Variants in RHOBTB3 observed in about 807,000 individuals in gnomAD.
RHOBTB3 encodes rho-related BTB domain-containing protein 3.
Under a neutral mutation model 67.2 loss-of-function variants are expected in RHOBTB3, and 47 were observed. That is an observed-to-expected ratio of 0.70 (90% CI 0.55 to 0.89). RHOBTB3 has a LOEUF of 0.89. Ranked by LOEUF, RHOBTB3 falls within the 40% of genes least tolerant of loss-of-function variation. RHOBTB3 has a pLI of 0.00. For missense variants in RHOBTB3, 631 were observed against 750.0 expected, an observed-to-expected ratio of 0.84 and a Z score of 1.85; for synonymous variants, 273 against 274.2, an observed-to-expected ratio of 1.00 and a Z score of 0.04.
chr5:95,768,386 C>T (rs1158227999), intron 8 of RHOBTB3, among the ~76,000 whole-genome samples: 1 of 151,678 alleles, frequency 6.6e-6, no homozygotes, highest in African/African-American at 2.4e-5. Context: ...GTATTTTTTC[C>T]TTTGCCATAT....
chr5:95,724,177 T>C, intron 1 of RHOBTB3, among the ~76,000 whole-genome samples: 1 of 152,238 alleles, frequency 6.6e-6, no homozygotes, highest in South Asian at 2.1e-4. Flanking sequence ...TCTGGTTTTA[T>C]GATTAGTTTA....
At position 95,771,914 on chromosome 5, in the gene RHOBTB3, G is replaced by T. The variant is rs753780915; in HGVS notation, c.1282+3748G>T. 4.6e-5 allele frequency among the ~76,000 whole-genome samples: 7 copies of T among 151,890 alleles called. No individual in the cohort carries two copies. The East Asian group carries it at 1.3e-3, about 29-fold the overall frequency. On this transcript the variant is annotated intron_variant, in intron 8 of 11. Transcript: ENST00000379982. ...TACATCCATTGTTAAGAAGAAATAT[G>T]ATTGGTAAATTAAAAAATATTTCCA... is the stretch of plus-strand genomic sequence containing the variant.
chr5:95,725,808 CT>C (rs201325391), intron 1 of RHOBTB3, among the ~76,000 whole-genome samples: 405 of 139,532 alleles, frequency 2.9e-3, no homozygotes, highest in Non-Finnish European at 2.5e-3. Flanking sequence ...TGGAATTCTT[CT>C]TTTTTTTTTT....
At position 95,779,614 on chromosome 5, in the gene RHOBTB3, C is replaced by T. The variant is rs182860313; in HGVS notation, c.1283-638C>T. 3.3e-3 allele frequency among the ~76,000 whole-genome samples: 500 copies of T among 152,310 alleles called. 2 individuals carry two copies. The highest frequency in any genetic ancestry group is 5.6e-3 in the South Asian group (27 of 4,828). ...AAATTCAACGTAGCACTGGCTCTCC[C>T]AGCAGCAGGCATTGTTCAGGTGAGA... On this transcript the variant is annotated intron_variant, in intron 8 of 11. Coordinates refer to ENST00000379982, the MANE Select transcript of RHOBTB3 (RefSeq NM_014899.4).
intron 10 of RHOBTB3, among the ~76,000 whole-genome samples, chr5:95,785,435 C>CAA (rs113404929): frequency 2.0e-5 from 3 of 150,798 alleles, no homozygotes; most frequent in Non-Finnish European, 3.0e-5. Flanking sequence ...ACTAAAAATA[C>CAA]AAAAAAAAAT....
chr5:95,772,818 T>C (rs1561452494), intron 8 of RHOBTB3, among the ~76,000 whole-genome samples: 1 of 152,220 alleles, frequency 6.6e-6, no homozygotes. Flanking sequence ...TAAATGTGCT[T>C]GAAGAAGACT....
intron 10 of RHOBTB3, among the ~76,000 whole-genome samples, chr5:95,787,824 C>T (rs1185573379): frequency 6.6e-6 from 1 of 152,142 alleles, no homozygotes; most frequent in Non-Finnish European, 1.5e-5. Context: ...GAAAGTAAAA[C>T]AGTGGGTGCT....
intron 4 of RHOBTB3, among the ~76,000 whole-genome samples, chr5:95,749,461 A>G (rs1219657448): frequency 1.3e-5 from 2 of 152,250 alleles, no homozygotes; most frequent in South Asian, 2.1e-4. Context: ...TATTCACCCA[A>G]TAATATAAAG....
chr5:95,755,868 A>T, intron 6 of RHOBTB3, 107 bp downstream of exon 6: 2 of 1,010,180 alleles, frequency 2.0e-6, no homozygotes, highest in Non-Finnish European at 1.5e-6. Flanking sequence ...GTCTTTACCT[A>T]CCATCTGAGA....
intron 6 of RHOBTB3, among the ~76,000 whole-genome samples, chr5:95,756,421 G>A (rs1489955939): frequency 6.6e-6 from 1 of 152,132 alleles, no homozygotes; most frequent in East Asian, 1.9e-4. Context: ...TGGACGCTTG[G>A]GTTGCTTCCA....
intron 8 of RHOBTB3, among the ~76,000 whole-genome samples, chr5:95,777,463 AAC>A: frequency 6.6e-6 from 1 of 152,210 alleles, no homozygotes; most frequent in South Asian, 2.1e-4. Flanking sequence ...TTAAAATTGT[AAC>A]ATCAAATGAA....
At chr5:95,783,562 A>C in intron 9 of RHOBTB3, 1 of 27,286 alleles carries the variant, frequency 3.7e-5, no homozygotes, top group Non-Finnish European at 7.4e-5. Flanking sequence ...CTGTCTCTAC[A>C]AAAAAAAAAA....
chr5:95,759,478 G>A (rs779904258), intron 6 of RHOBTB3, among the ~76,000 whole-genome samples: 7 of 152,140 alleles, frequency 4.6e-5, no homozygotes, highest in Non-Finnish European at 8.8e-5. Context: ...GAAAAATGCT[G>A]AAAATTAAGA....
At chr5:95,765,384 G>A (rs761630376) in intron 7 of RHOBTB3, among the ~76,000 whole-genome samples, 29 of 152,252 alleles carry the variant, frequency 1.9e-4, no homozygotes, top group East Asian at 1.9e-4. Flanking sequence ...TGGGTGATAC[G>A]ATTCCATGGT....
rs1046466552 is a variant in RHOBTB3, at chr5:95,762,996, C to T, written c.1049-512C>T. ...GCTACGTGGACGAGTAGCTCCCTTC[C>T]TCAGGCTGGTTTTGTAGAGTTGGCT... is the stretch of plus-strand genomic sequence containing the variant. On this transcript the variant is annotated intron_variant, in intron 6 of 11. Transcript: ENST00000379982. Among the ~76,000 whole-genome samples the T allele has an allele frequency of 2.0e-5, 3 of 152,142 alleles. No individual in the cohort carries two copies. In the South Asian group the frequency reaches 6.2e-4, roughly 31 times the overall value.
intron 4 of RHOBTB3, among the ~76,000 whole-genome samples, chr5:95,750,542 T>A (rs888388150): frequency 6.6e-6 from 1 of 152,230 alleles, no homozygotes; most frequent in Non-Finnish European, 1.5e-5. Context: ...ATATAATGCA[T>A]ATATTACAGA....
At chr5:95,746,419 A>T (rs146654504) in intron 3 of RHOBTB3, among the ~76,000 whole-genome samples, 87 of 152,258 alleles carry the variant, frequency 5.7e-4, no homozygotes, top group African/African-American at 2.0e-3. Context: ...CAGAAAATCA[A>T]AGGCACTGTT....
chr5:95,788,804 A>T lies in RHOBTB3; in HGVS notation c.1666A>T (p.Ile556Phe). The change falls in exon 11 of 12, where the codon ATT (isoleucine) becomes TTT (phenylalanine). Residue 556 changes from isoleucine to phenylalanine, a missense_variant. By Grantham distance (21) the Ile-to-Phe change is conservative. Coordinates refer to ENST00000379982, the MANE Select transcript of RHOBTB3 (RefSeq NM_014899.4). ...DCLSTWLLHFIATNYLIFSQK... is the reference protein window; with the variant it reads ...DCLSTWLLHFFATNYLIFSQK... ...CCTTTCAACCTGGCTACTTCATTTCATTGCTACTAACTACCTCATCTTCAG... is the reference window on the plus strand; with the variant it reads ...CCTTTCAACCTGGCTACTTCATTTCTTTGCTACTAACTACCTCATCTTCAG... 1 of 1,585,220 alleles carries T rather than the reference A, an allele frequency of 6.3e-7. No homozygotes were observed. Among genetic ancestry groups the T allele is most frequent in the Non-Finnish European group, 8.5e-7 (1 of 1,170,192 alleles).
chr5:95,730,557 C>A (rs912533295), upstream of RHOBTB3, among the ~76,000 whole-genome samples: 1 of 152,120 alleles, frequency 6.6e-6, no homozygotes, highest in African/African-American at 2.4e-5. Context: ...AGTTGGTCTG[C>A]GGAGCTATTA....
Sources: allele counts gnomAD v4.1 joint callset (sites outside exome capture counted in the v4.1 genomes callset), GRCh38; gene constraint gnomAD v4.1.1; transcripts MANE v1.5; gene names NCBI Gene and HGNC (gene_info 2026-07-23, HGNC 2026-07-21).